Variants in AP1M2 observed in about 807,000 individuals in gnomAD.
AP1M2 encodes adaptor related protein complex 1 subunit mu 2, also known as AP-1 complex subunit mu-2.
Under a neutral mutation model 54.6 loss-of-function variants are expected in AP1M2, and 41 were observed. The observed-to-expected ratio is 0.75, with a 90% CI of 0.59 to 0.97. The LOEUF is 0.97. Among genes scored for constraint, AP1M2 ranks in the 50% least tolerant of loss-of-function variants. The pLI is 0.00. For missense variants in AP1M2, 507 were observed against 561.2 expected (o/e 0.90, Z 0.98); for synonymous variants, 219 against 215.9 (o/e 1.01, Z -0.13).
chr19:10,584,088 G>A lies in AP1M2; in HGVS notation c.43-18C>T. On this transcript the variant is annotated intron_variant, in intron 1 of 11. Transcript: ENST00000250244. ...ATCAATGGCTGAGGGTGGAAGGAAA[G>A]GACCTGGTCACCACCAGCATCCAAG... is the stretch of plus-strand genomic sequence containing the variant. The A allele has an allele frequency of 6.2e-7, 1 of 1,603,916 alleles. No individual in the cohort carries two copies. The highest frequency in any genetic ancestry group is 8.5e-7 in the Non-Finnish European group (1 of 1,175,582).
chr19:10,584,057 CG>C lies in AP1M2; in HGVS notation c.55del (p.Arg19AlafsTer9), dbSNP rs1568434112. 1.2e-6 allele frequency: 2 copies of C among 1,610,330 alleles called. No homozygotes were observed. The highest frequency in any genetic ancestry group is 1.7e-6 in the Non-Finnish European group (2 of 1,178,462). On this transcript the variant is annotated frameshift_variant, in exon 2 of 12. Transcript: ENST00000250244. LOFTEE classifies it high-confidence loss of function. ...LDVKGKPLIS[R>X]NYKGDVAMSK... Reference sequence around the variant, plus strand: ...CATGGCCACATCGCCCTTGTAGTTGCGGCTGATCAATGGCTGAGGGTGGAAG... The same window carrying C: ...CATGGCCACATCGCCCTTGTAGTTGCGCTGATCAATGGCTGAGGGTGGAAG...
rs1917597742 is a variant in AP1M2, at chr19:10,585,270, A to AGAC, written c.43-1201_43-1200insGTC. On this transcript the variant is annotated intron_variant, in intron 1 of 11. Transcript: ENST00000250244. ...AAGGAAAGAAGGAAAGAAGGAAAGA[A>AGAC]AGAAAGAAGAAAAAAAGAAAGAAAG... Among the ~76,000 whole-genome samples, 8 of 109,742 alleles carry AGAC rather than the reference A, an allele frequency of 7.3e-5. No individual in the cohort carries two copies. The Admixed American group carries it at 9.5e-4, about 13-fold the overall frequency. The allele number at this position is 109,742 out of a possible 152,430, so 72.0% of individuals were successfully genotyped here.
chr19:10,586,599 G>T (rs1380578677), intron 1 of AP1M2, among the ~76,000 whole-genome samples: 1 of 152,058 alleles, frequency 6.6e-6, no homozygotes, highest in African/African-American at 2.4e-5. Context: ...AGGCATGGTG[G>T]CCTGCACCTG....
intron 3 of AP1M2, among the ~76,000 whole-genome samples, chr19:10,583,137 T>TC (rs1240616507): frequency 6.6e-6 from 1 of 151,806 alleles, no homozygotes; most frequent in East Asian, 1.9e-4. Flanking sequence ...TTTTCTTTTT[T>TC]TTTTTAAGCA....
intron 11 of AP1M2, among the ~76,000 whole-genome samples, chr19:10,573,441 G>A (rs1397447730): frequency 6.6e-6 from 1 of 151,704 alleles, no homozygotes; most frequent in Non-Finnish European, 1.5e-5. Flanking sequence ...AAATGGGGAG[G>A]GGTGAAGGAA....
intron 8 of AP1M2, 119 bp from the exon 9 acceptor site, chr19:10,577,475 C>T: frequency 1.8e-6 from 2 of 1,124,364 alleles, no homozygotes; most frequent in Non-Finnish European, 2.4e-6. Context: ...ACTCTGTCGC[C>T]CAGGCTGGAG....
rs1471279389 is a variant in AP1M2 at position 10,581,297 on chromosome 19, G to A, written c.642C>T (p.Leu214=). ...TGAGCTCGAAGAGCACGCGGTCATT[G>A]AGGCCCAGCCGCAGCTCTGGCATTC... ...LSGMPELRLG[L]NDRVLFELTG... The change falls in exon 6 of 12, where the codon CTC becomes CTT. Residue 214 remains leucine (L), a synonymous_variant. Coordinates refer to ENST00000250244, the MANE Select transcript of AP1M2 (RefSeq NM_005498.5). The A allele has an allele frequency of 1.9e-6, 3 of 1,613,772 alleles. No homozygotes were observed. Among genetic ancestry groups the A allele is most frequent in the South Asian group, 1.1e-5 (1 of 91,070 alleles).
intron 1 of AP1M2, 48 bp from the exon 2 acceptor site, chr19:10,584,118 T>A: frequency 6.3e-7 from 1 of 1,579,472 alleles, no homozygotes; most frequent in Non-Finnish European, 8.6e-7. Flanking sequence ...TCCAAGAACC[T>A]ACCACGCTGA....
At chr19:10,579,940 T>C in intron 6 of AP1M2, 82 bp from the exon 7 acceptor site, 1 of 1,382,132 alleles carries the variant, frequency 7.2e-7, no homozygotes, top group East Asian at 2.6e-5. Flanking sequence ...CCGACCACTG[T>C]CACCTATTTC....
At chr19:10,577,871 G>C (rs1917300170) in intron 8 of AP1M2, among the ~76,000 whole-genome samples, 1 of 151,934 alleles carries the variant, frequency 6.6e-6, no homozygotes, top group South Asian at 2.1e-4. Context: ...CAAGTAGGTG[G>C]GATTACAGGC....
rs963723764 is a variant in AP1M2, at chr19:10,583,944, A to T, written c.169T>A (p.Phe57Ile). ...APLLSHGQVH[F>I]LWIKHSNLYL... ...AGGTTGCTGTGTTTGATCCATAGGA[A>T]GTGGACCTGGCCGTGGCTCAGCAGC... Residue 57 changes from phenylalanine to isoleucine, a missense_variant, in exon 2 of 12, where the codon TTC becomes ATC. Phe to Ile is a conservative substitution (Grantham distance 21). Transcript: ENST00000250244. 1.9e-6 allele frequency: 3 copies of T among 1,602,154 alleles called. No homozygotes were observed. The highest frequency in any genetic ancestry group is 2.7e-5 in the African/African-American group (2 of 74,832).
At chr19:10,578,985 A>T (rs1431265530) in intron 7 of AP1M2, 22 bp from the exon 8 acceptor site, 3 of 1,428,574 alleles carry the variant, frequency 2.1e-6, no homozygotes, top group Middle Eastern at 1.8e-4. Context: ...AGAAGGGGAG[A>T]GTTCTTGGAG....
chr19:10,577,657 G>A (rs966320126), intron 8 of AP1M2, among the ~76,000 whole-genome samples: 9 of 149,892 alleles, frequency 6.0e-5, no homozygotes, highest in African/African-American at 2.0e-4. Context: ...GGATGTTCTC[G>A]ATCTCCTGAC....
intron 1 of AP1M2, among the ~76,000 whole-genome samples, chr19:10,585,279 GAAAAAAAGAAAGAAA>G (rs1411064858): frequency 2.2e-4 from 6 of 27,434 alleles, no homozygotes; most frequent in African/African-American, 9.8e-4. Context: ...AAAGAAAGAA[GAAAAAAAGAAAGAAA>G]GAAAGAAAGA....
At chr19:10,587,021 C>T (rs1450972148) in intron 1 of AP1M2, 169 bp downstream of exon 1, 5 of 698,542 alleles carry the variant, frequency 7.2e-6, no homozygotes, top group Non-Finnish European at 1.2e-5. Flanking sequence ...AGGCGAACCC[C>T]TTGGCCTCAG....
chr19:10,579,918 C>T lies in AP1M2; in HGVS notation c.674-60G>A, dbSNP rs538160936. 8 of 1,496,676 alleles carry T rather than the reference C, an allele frequency of 5.3e-6. No individual in the cohort carries two copies. The East Asian group carries it at 1.7e-4, about 32-fold the overall frequency. 92.7% of individuals were successfully genotyped at this position (1,496,676 alleles called of 1,614,324 possible). A position where few individuals can be genotyped will look rare whatever the true frequency, so the allele number is the denominator to read the frequency against. On this transcript the variant is annotated intron_variant, in intron 6 of 11. Transcript: ENST00000250244. ...GGGAACCAGGAAAGGATCCCTATCC[C>T]CACCTTTCCTGCCGACCACTGTCAC...
intron 6 of AP1M2, among the ~76,000 whole-genome samples, chr19:10,580,182 G>A (rs945542736): frequency 6.6e-6 from 1 of 151,132 alleles, no homozygotes; most frequent in African/African-American, 2.4e-5. Flanking sequence ...CTACTGAGTA[G>A]ATAGGATTAC....
intron 8 of AP1M2, among the ~76,000 whole-genome samples, chr19:10,577,574 C>T (rs1335592066): frequency 3.3e-5 from 5 of 151,164 alleles, no homozygotes; most frequent in African/African-American, 1.2e-4. Flanking sequence ...GCTGGGACTA[C>T]AGGCACCCGC....
chr19:10,584,029 G>C lies in AP1M2; in HGVS notation c.84C>G (p.Ser28Arg). 6.2e-7 allele frequency: 1 copy of C among 1,610,974 alleles called. No individual in the cohort carries two copies. Among genetic ancestry groups the C allele is most frequent in the Non-Finnish European group, 8.5e-7 (1 of 1,178,726 alleles). ...SRNYKGDVAM[S>R]KIEHFMPLLV... ...GCAAAGGCATGAAGTGCTCAATCTT[G>C]CTCATGGCCACATCGCCCTTGTAGT... The change falls in exon 2 of 12, where the codon AGC (serine) becomes AGG (arginine). Residue 28 changes from serine to arginine, a missense_variant. Transcript: ENST00000250244.
Sources: allele counts gnomAD v4.1 joint callset (sites outside exome capture counted in the v4.1 genomes callset), GRCh38; gene constraint gnomAD v4.1.1; transcripts MANE v1.5; gene names NCBI Gene and HGNC (gene_info 2026-07-23, HGNC 2026-07-21).